The following ZNF142 variants were observed in gnomAD, a reference collection of about 807,000 sequenced individuals.
The protein encoded by ZNF142 is zinc finger protein 142 (clone pHZ-49).
A neutral mutation model predicts 132.1 loss-of-function variants in ZNF142; 96 were observed. The ratio of observed to expected loss-of-function variants is 0.73; its 90% confidence interval spans 0.62 to 0.86. The LOEUF (loss-of-function observed/expected upper bound fraction) is 0.86, where lower values mean the gene tolerates loss of function less well. Among genes scored for constraint, ZNF142 ranks in the 40% least tolerant of loss-of-function variants. The pLI, the probability that ZNF142 is intolerant of heterozygous loss-of-function variation, is 0.00. For missense variants in ZNF142, 2,163 were observed against 2,336.2 expected (o/e 0.93, Z 1.53); for synonymous variants, 842 against 890.1 (o/e 0.95, Z 0.96).
At chr2:218,648,522 G>C in intron 7 of ZNF142, 113 bp downstream of exon 7, 1 of 1,015,658 alleles carries the variant, frequency 9.8e-7, no homozygotes, top group Non-Finnish European at 1.4e-6. Flanking sequence ...TGGAATGCTA[G>C]ATCTATCTCT....
In ZNF142 at chr2:218,636,056, TACAAAGAATC is replaced by T; in HGVS notation, c.*2273_*2282del. 1 of 1,475,916 alleles carries T rather than the reference TACAAAGAATC, an allele frequency of 6.8e-7. No homozygotes were observed. Among genetic ancestry groups the T allele is most frequent in the Admixed American group, 2.0e-5 (1 of 50,214 alleles). 91.4% of individuals were successfully genotyped at this position (1,475,916 alleles called of 1,614,324 possible). ...CCACATGGGAGGCAGTGTGGAACAG[TACAAAGAATC>T]CTGGCTCTTCACTTAAAAGCTCCAG... is the stretch of plus-strand genomic sequence containing the variant. On this transcript the variant is annotated 3_prime_UTR_variant, in exon 11 of 11. Coordinates refer to ENST00000411696, the MANE Select transcript of ZNF142 (RefSeq NM_001379659.1).
Position 218,642,643 on chromosome 2 carries a change from A to G in ZNF142, c.4473T>C (p.Cys1491=), listed in dbSNP as rs756426020. The part of the protein sequence containing the change: ...QGTPAFACSQ[C]EAQFSSETAL... The stretch of plus-strand genomic sequence containing the variant: ...CTGTCTCTGAGCTGAACTGGGCTTC[A>G]CACTGGGAGCAGGCAAAGGCTGGGG... The change falls in exon 9 of 11, where the codon TGT becomes TGC. Residue 1491 remains cysteine (C), a synonymous_variant. Transcript: ENST00000411696. This position sits in a 1 kb window ranked among gnomAD's most constrained non-coding sequence, Gnocchi z 4.6. 4 of 1,614,072 alleles carry G rather than the reference A, an allele frequency of 2.5e-6. No individual in the cohort carries two copies. Among genetic ancestry groups the G allele is most frequent in the South Asian group, 1.1e-5 (1 of 91,078 alleles).
Position 218,643,075 on chromosome 2 carries a change from G to A in ZNF142, c.4041C>T (p.Ala1347=), listed in dbSNP as rs1433460999. 1 of 1,605,126 alleles carries A rather than the reference G, an allele frequency of 6.2e-7. No homozygotes were observed. Among genetic ancestry groups the A allele is most frequent in the Non-Finnish European group, 8.5e-7 (1 of 1,175,652 alleles). ...CSLCPFTAPA[A]TALRLHQKRR... is the part of the protein sequence containing the mutation. ...GCTTCTGGTGGAGCCTTAAGGCAGT[G>A]GCAGCAGGAGCAGTGAATGGGCAGA... The change falls in exon 9 of 11, where the codon GCC becomes GCT. Residue 1347 remains alanine (A), a synonymous_variant. Transcript: ENST00000411696.
In ZNF142 at chr2:218,643,349, C is replaced by G; in HGVS notation, c.3767G>C (p.Gly1256Ala). ...GGTCTGGGGGGTCCCTCGTTTTCCT[C>G]CCCCGCCACGTCCCCCCCTGCAGCC... ...AEGCRGGRGG[G>A]GKRGTPQTQP... The change falls in exon 9 of 11, where the codon GGA (glycine) becomes GCA (alanine). Residue 1256 changes from glycine (G) to alanine (A), a missense_variant. Gly to Ala is a moderately conservative substitution (Grantham distance 60). Around this residue, in one of 7 missense-constraint regions of ZNF142, gnomAD observed 809 missense variants for 801.7 expected, o/e 1.01. Transcript: ENST00000411696. The G allele has an allele frequency of 6.2e-7, 1 of 1,614,208 alleles. No homozygotes were observed. The highest frequency in any genetic ancestry group is 8.5e-7 in the Non-Finnish European group (1 of 1,180,022).
Position 218,634,321 on chromosome 2 carries a change from G to GCATTTT in ZNF142, c.*4017_*4018insAAAATG. On this transcript the variant is annotated 3_prime_UTR_variant, in exon 11 of 11. Transcript: ENST00000411696. The surrounding 1 kb of genome is among the most constrained non-coding windows in gnomAD (Gnocchi z 4.0). ...GGGTTGGGGAATGCTCAAGAAAATT[G>GCATTTT]CTAGGCTGAGAAATGCTATCAGTGG... is the stretch of plus-strand genomic sequence containing the variant. 6.4e-7 allele frequency: 1 copy of GCATTTT among 1,572,088 alleles called. No individual in the cohort carries two copies. Among genetic ancestry groups the GCATTTT allele is most frequent in the Non-Finnish European group, 8.6e-7 (1 of 1,158,308 alleles).
At position 218,644,115 on chromosome 2, in the gene ZNF142, C is replaced by T. The variant is rs1205767282; in HGVS notation, c.3001G>A (p.Glu1001Lys). ...CTCCTTAGGGCCTTGAGTAATGACT[C>T]TGACTCAGGTAATGGGGGCAAGGGT... ...TAPLPPLPESESLLKALRRQD... is the reference protein window; with the variant it reads ...TAPLPPLPESKSLLKALRRQD... The change falls in exon 9 of 11, where the codon GAG becomes AAG. Residue 1001 changes from glutamate to lysine, a missense_variant. This residue lies in a region of ZNF142 where 809 missense variants were observed against 801.7 expected (regional missense o/e 1.01). Coordinates refer to ENST00000411696, the MANE Select transcript of ZNF142 (RefSeq NM_001379659.1). The surrounding 1 kb of genome is among the most constrained non-coding windows in gnomAD (Gnocchi z 4.6). 8 of 1,614,096 alleles carry T rather than the reference C, an allele frequency of 5.0e-6. No homozygotes were observed. Among genetic ancestry groups the T allele is most frequent in the Non-Finnish European group, 5.9e-6 (7 of 1,180,000 alleles).
At chr2:218,647,422 C>CAAAAAAAAAAAAAAAAA (rs35920609) in intron 7 of ZNF142, among the ~76,000 whole-genome samples, 11,311 of 38,254 alleles carry the variant, frequency 0.3, 4,729 homozygotes, top group Non-Finnish European at 0.4. Context: ...GACTCCATCT[C>CAAAAAAAAAAAAAAAAA]AAAAAAAAAA....
At chr2:218,645,757 C>G (rs1354552434) in intron 8 of ZNF142, among the ~76,000 whole-genome samples, 2 of 152,126 alleles carry the variant, frequency 1.3e-5, no homozygotes, top group African/African-American at 4.8e-5. Flanking sequence ...AAAAGACTCT[C>G]TTTTTTCTTT....
Position 218,656,141 on chromosome 2 carries a change from T to C in ZNF142, c.280+9A>G. On this transcript the variant is annotated intron_variant, in intron 4 of 10. Transcript: ENST00000411696. ...TGTCCCACTGGCCTGCTTGCAACTG[T>C]GTTTGTACCTGGGGTCTCTCCAGGA... 1 of 1,543,240 alleles carries C rather than the reference T, an allele frequency of 6.5e-7. No homozygotes were observed. The highest frequency in any genetic ancestry group is 2.3e-5 in the East Asian group (1 of 43,400).
chr2:218,638,114 A>G lies in ZNF142; in HGVS notation c.*225T>C, dbSNP rs1210056634. ...AAGAAACTGAGAACTTGCAGGTTAA[A>G]AACGCAATGTACAGCAATAAGAAAT... On this transcript the variant is annotated 3_prime_UTR_variant, in exon 11 of 11. Coordinates refer to ENST00000411696, the MANE Select transcript of ZNF142 (RefSeq NM_001379659.1). The G allele has an allele frequency of 2.5e-6, 1 of 398,212 alleles. No homozygotes were observed. The highest frequency in any genetic ancestry group is 3.7e-5 in the East Asian group (1 of 26,762). The allele number at this position is 398,212 out of a possible 1,614,324, so 24.7% of individuals were successfully genotyped here. A position where few individuals can be genotyped will look rare whatever the true frequency, so the allele number is the denominator to read the frequency against.
At chr2:218,639,270 CCT>C (rs1696972027) in intron 10 of ZNF142, among the ~76,000 whole-genome samples, 1 of 152,202 alleles carries the variant, frequency 6.6e-6, no homozygotes, top group African/African-American at 2.4e-5. Flanking sequence ...CGCGCCTGGC[CCT>C]GTCTGACATT....
Position 218,646,264 on chromosome 2 carries a change from T to A in ZNF142, c.1958A>T (p.Asn653Ile), listed in dbSNP as rs1385859913. ...YLSKHMLTHS[N>I]TKDYMCTECG... The stretch of plus-strand genomic sequence containing the variant: ...TTCAGTGCACATGTAATCCTTGGTG[T>A]TGGAGTGGGTCAGCATGTGCTTGGA... Residue 653 changes from asparagine (N) to isoleucine (I), a missense_variant, in exon 8 of 11, where the codon AAC (asparagine) becomes ATC (isoleucine). By Grantham distance (149) the Asn-to-Ile change is moderately radical. Transcript: ENST00000411696. 1 of 1,614,074 alleles carries A rather than the reference T, an allele frequency of 6.2e-7. No individual in the cohort carries two copies. The highest frequency in any genetic ancestry group is 8.5e-7 in the Non-Finnish European group (1 of 1,180,034).
At chr2:218,648,151 C>T (rs183846084) in intron 7 of ZNF142, among the ~76,000 whole-genome samples, 83 of 152,250 alleles carry the variant, frequency 5.5e-4, no homozygotes, top group African/African-American at 1.9e-3. Flanking sequence ...GTTACGAGTG[C>T]GAGTTAAACA....
rs1313142930 is a variant in ZNF142 at position 218,651,799 on chromosome 2, T to C, written c.782A>G (p.Asn261Ser). 6 of 1,289,888 alleles carry C rather than the reference T, an allele frequency of 4.7e-6. 1 individual carries two copies. Among genetic ancestry groups the C allele is most frequent in the East Asian group, 5.6e-5 (1 of 18,014 alleles). The allele number at this position is 1,289,888 out of a possible 1,614,324, so 79.9% of individuals were successfully genotyped here. The change falls in exon 5 of 11, where the codon AAC becomes AGC. Residue 261 changes from asparagine (N) to serine (S), a missense_variant. Transcript: ENST00000411696. ...CTGATGCTGCCGGAAGAGTTTGACG[T>C]TGGAGCCTATGAAGCTGCAGTGGCT... Reference protein sequence around the residue: ...HCSHCSFIGSNVKLFRQHQRS... With the variant: ...HCSHCSFIGSSVKLFRQHQRS...
intron 3 of ZNF142, among the ~76,000 whole-genome samples, chr2:218,657,719 C>T (rs145534477): frequency 0.036 from 5,461 of 152,216 alleles, 326 homozygotes; most frequent in African/African-American, 0.12. Flanking sequence ...CGTGAGGCAC[C>T]GCGCCGGGCC....
rs1937748337 is a variant in ZNF142 at position 218,649,237 on chromosome 2, C to A, written c.1271G>T (p.Cys424Phe). ...ATTCCTCTCCACCGCACTGTAGTGG[C>A]ACAGTGGGCAGTGGTGGGCCTTTTC... ...LGEKAHHCPL[C>F]HYSAVERNAL... Residue 424 changes from cysteine to phenylalanine, a missense_variant, in exon 7 of 11, where the codon TGC becomes TTC. Physicochemically the swap from Cys to Phe is radical, Grantham distance 205 (BLOSUM62 -2). Transcript: ENST00000411696. 1 of 1,614,186 alleles carries A rather than the reference C, an allele frequency of 6.2e-7. No homozygotes were observed. Among genetic ancestry groups the A allele is most frequent in the African/African-American group, 1.3e-5 (1 of 75,052 alleles).
Position 218,634,222 on chromosome 2 carries a change from G to A in ZNF142, c.*4117C>T, listed in dbSNP as rs963630711. On this transcript the variant is annotated 3_prime_UTR_variant, in exon 11 of 11. Transcript: ENST00000411696. This position sits in a 1 kb window ranked among gnomAD's most constrained non-coding sequence, Gnocchi z 4.0. ...CTCTGGAATGCAGGCTGCCAGATGG[G>A]TGAGGAGGCAGCAGGGACTGGGAAG... The A allele has an allele frequency of 6.2e-7, 1 of 1,607,868 alleles. No homozygotes were observed. The highest frequency in any genetic ancestry group is 8.5e-7 in the Non-Finnish European group (1 of 1,176,980).
Position 218,649,314 on chromosome 2 carries a change from C to CTTT in ZNF142, c.1193_1194insAAA (p.Lys398dup). The CTTT allele has an allele frequency of 6.2e-7, 1 of 1,614,234 alleles. No homozygotes were observed. The highest frequency in any genetic ancestry group is 8.5e-7 in the Non-Finnish European group (1 of 1,180,044). On this transcript the variant is annotated inframe_insertion, in exon 7 of 11. Transcript: ENST00000411696. ...TGAGCTTGCTCTTACTGGTGAAGAACTTCTGGCAGTTAGGGCACTGGAGGC... is the reference window on the plus strand; with the variant it reads ...TGAGCTTGCTCTTACTGGTGAAGAACTTTTTCTGGCAGTTAGGGCACTGGAGGC...
chr2:218,636,135 C>A lies in ZNF142; in HGVS notation c.*2204G>T. The A allele has an allele frequency of 2.9e-6, 4 of 1,403,086 alleles. No homozygotes were observed. The highest frequency in any genetic ancestry group is 1.3e-5 in the South Asian group (1 of 78,188). The allele number at this position is 1,403,086 out of a possible 1,614,324, so 86.9% of individuals were successfully genotyped here. ...TGCTTACTCTGAGCCTTTTTCCTTA[C>A]CTGTAAAATGCTGATTGCCATCTAG... On this transcript the variant is annotated 3_prime_UTR_variant, in exon 11 of 11. Transcript: ENST00000411696.
Sources: allele counts gnomAD v4.1 joint callset (sites outside exome capture counted in the v4.1 genomes callset), GRCh38; gene constraint gnomAD v4.1.1; regional missense constraint gnomAD v4.1.1; non-coding constraint Gnocchi (gnomAD v3.1); transcripts MANE v1.5; gene names NCBI Gene and HGNC (gene_info 2026-07-23, HGNC 2026-07-21).